Variants in LRRC49 observed in about 807,000 individuals in gnomAD.
LRRC49 encodes the protein leucine-rich repeat-containing protein 49.
In LRRC49, 50 loss-of-function variants were observed where a neutral mutation model predicts 83.3. The observed-to-expected ratio is 0.60, with a 90% CI of 0.48 to 0.76. The LOEUF (loss-of-function observed/expected upper bound fraction) is 0.76, where lower values mean the gene tolerates loss of function less well. LRRC49 is among the 30% of genes least tolerant of loss of function. The pLI is 0.00. For missense variants in LRRC49, 704 were observed against 809.1 expected (o/e 0.87, Z 1.58); for synonymous variants, 286 against 283.3 (o/e 1.01, Z -0.10).
intron 1 of LRRC49, chr15:70,854,149 GC>G: frequency 1.7e-6 from 2 of 1,165,728 alleles, no homozygotes; most frequent in Non-Finnish European, 2.1e-6. Context: ...CAGCCGGTCG[GC>G]AGCGACTGCG....
intron 15 of LRRC49, among the ~76,000 whole-genome samples, chr15:71,044,243 T>A (rs1013507017): frequency 6.6e-6 from 1 of 152,156 alleles, no homozygotes; most frequent in African/African-American, 2.4e-5. Flanking sequence ...TGGAACCATT[T>A]GTTGCTTATC....
intron 2 of LRRC49, among the ~76,000 whole-genome samples, chr15:70,875,925 G>C (rs1310780200): frequency 6.6e-6 from 1 of 152,182 alleles, no homozygotes; most frequent in African/African-American, 2.4e-5. Context: ...GATGCAAGGA[G>C]CAAGTGCTAG....
At chr15:71,025,812 C>G (rs1482231958) in intron 14 of LRRC49, among the ~76,000 whole-genome samples, 6 of 151,936 alleles carry the variant, frequency 3.9e-5, no homozygotes, top group African/African-American at 1.5e-4. Context: ...GTAAATGGAT[C>G]AAGGAGAGCT....
At chr15:71,030,824 T>C (rs775709293) in intron 14 of LRRC49, among the ~76,000 whole-genome samples, 21 of 151,980 alleles carry the variant, frequency 1.4e-4, no homozygotes, top group African/African-American at 3.1e-4. Context: ...TTGATACTTA[T>C]ATATGCTTCA....
At chr15:70,854,978 C>G (rs1160983561) in intron 1 of LRRC49, among the ~76,000 whole-genome samples, 1 of 152,124 alleles carries the variant, frequency 6.6e-6, no homozygotes, top group Non-Finnish European at 1.5e-5. Flanking sequence ...CGTGTAACTT[C>G]AAATTGAGTT....
At chr15:71,017,952 AAAT>A (rs1292302905) in intron 14 of LRRC49, among the ~76,000 whole-genome samples, 1 of 152,174 alleles carries the variant, frequency 6.6e-6, no homozygotes, top group African/African-American at 2.4e-5. Context: ...ACCAAATGCC[AAAT>A]AATTGGTAAA....
intron 7 of LRRC49, among the ~76,000 whole-genome samples, chr15:70,933,420 A>G (rs547177670): frequency 6.6e-5 from 10 of 152,234 alleles, no homozygotes; most frequent in Admixed American, 3.3e-4. Flanking sequence ...TGATGCTGAA[A>G]TAGTTACCTC....
At chr15:70,868,331 C>T (rs1437681385) in intron 1 of LRRC49, among the ~76,000 whole-genome samples, 2 of 152,166 alleles carry the variant, frequency 1.3e-5, no homozygotes, top group South Asian at 2.1e-4. Context: ...CGCTTGGATA[C>T]GTACCCAGTA....
chr15:70,904,763 T>A lies in LRRC49; in HGVS notation c.500+8T>A. 6.2e-7 allele frequency: 1 copy of A among 1,602,826 alleles called. No homozygotes were observed. Among genetic ancestry groups the A allele is most frequent in the Non-Finnish European group, 8.5e-7 (1 of 1,171,736 alleles). ...TCTGTTGGGGAAAAACAGGTATTCTTTGTAGAGCAGTTTTTGTAGCCTAAT... is the reference window on the plus strand; with the variant it reads ...TCTGTTGGGGAAAAACAGGTATTCTATGTAGAGCAGTTTTTGTAGCCTAAT... On this transcript the variant is annotated splice_region_variant and intron_variant, in intron 5 of 15. Coordinates refer to ENST00000260382, the MANE Select transcript of LRRC49 (RefSeq NM_017691.5).
intron 2 of LRRC49, among the ~76,000 whole-genome samples, chr15:70,881,016 G>C (rs1177520041): frequency 6.6e-6 from 1 of 152,162 alleles, no homozygotes; most frequent in Non-Finnish European, 1.5e-5. Context: ...TTGAGGCCAG[G>C]AGTTTGAGAC....
At chr15:70,965,236 T>C (rs1324266360) in intron 9 of LRRC49, among the ~76,000 whole-genome samples, 1 of 152,136 alleles carries the variant, frequency 6.6e-6, no homozygotes, top group Non-Finnish European at 1.5e-5. Context: ...TACTTAATTA[T>C]ATGGTATGTT....
intron 8 of LRRC49, among the ~76,000 whole-genome samples, chr15:70,938,976 C>G (rs1378661560): frequency 2.0e-5 from 3 of 152,122 alleles, no homozygotes; most frequent in Non-Finnish European, 2.9e-5. Flanking sequence ...AAAGCATACA[C>G]TGTTGCATAA....
intron 11 of LRRC49, among the ~76,000 whole-genome samples, chr15:70,999,505 C>T (rs2038188015): frequency 6.6e-6 from 1 of 152,150 alleles, no homozygotes; most frequent in South Asian, 2.1e-4. Context: ...CTCCCAGACT[C>T]TATCGATTGG....
At chr15:70,869,572 G>A (rs913886782) in intron 1 of LRRC49, among the ~76,000 whole-genome samples, 1 of 152,138 alleles carries the variant, frequency 6.6e-6, no homozygotes, top group East Asian at 1.9e-4. Context: ...ATTTTAGGCT[G>A]TGTGCAAGCA....
upstream of LRRC49, chr15:70,892,234 G>A: frequency 6.3e-7 from 1 of 1,589,454 alleles, no homozygotes; most frequent in East Asian, 2.3e-5. Context: ...CAGACTTGGT[G>A]GTGTTGCCGC....
intron 14 of LRRC49, among the ~76,000 whole-genome samples, chr15:71,021,498 A>C (rs1026649546): frequency 2.0e-5 from 3 of 152,266 alleles, no homozygotes; most frequent in African/African-American, 2.4e-5. Context: ...GTGGTATATC[A>C]GCATGTATGT....
chr15:70,891,724 C>T (rs376941609), upstream of LRRC49: 21 of 912,626 alleles, frequency 2.3e-5, 1 homozygote, highest in African/African-American at 3.2e-4. Context: ...ACACCCCTAA[C>T]TTTGCAGATT....
At chr15:70,973,206 T>C (rs1002564166) in intron 9 of LRRC49, among the ~76,000 whole-genome samples, 1 of 152,204 alleles carries the variant, frequency 6.6e-6, no homozygotes, top group Non-Finnish European at 1.5e-5. Flanking sequence ...ATGCTATTGC[T>C]TTCTGTTTTT....
intron 1 of LRRC49, among the ~76,000 whole-genome samples, chr15:70,866,062 C>T (rs1260464161): frequency 6.6e-6 from 1 of 152,010 alleles, no homozygotes; most frequent in Non-Finnish European, 1.5e-5. Flanking sequence ...ACATGTATAT[C>T]TTTCTCATTA....
Sources: allele counts gnomAD v4.1 joint callset (sites outside exome capture counted in the v4.1 genomes callset), GRCh38; gene constraint gnomAD v4.1.1; transcripts MANE v1.5; gene names NCBI Gene and HGNC (gene_info 2026-07-23, HGNC 2026-07-21).